The following DLGAP2 variants were observed in gnomAD, a reference collection of about 807,000 sequenced individuals.
The protein encoded by DLGAP2 is disks large-associated protein 2.
DLGAP2 carries 26 observed loss-of-function variants against 100.3 expected under a neutral mutation model. That is an observed-to-expected ratio of 0.26 (90% CI 0.19 to 0.36). The LOEUF is 0.36. Among genes scored for constraint, DLGAP2 ranks in the 10% least tolerant of loss-of-function variants. DLGAP2 has a pLI of 1.00. For synonymous variants in DLGAP2, 886 were observed against 630.1 expected (o/e 1.41, Z -6.08); for missense variants, 1,858 against 1,453.2 (o/e 1.28, Z -4.53).
At position 1,308,367 on chromosome 8, in the gene DLGAP2, A is replaced by G. The variant is rs75219959; in HGVS notation, c.106+49484A>G. On this transcript the variant is annotated intron_variant, in intron 3 of 14. Coordinates refer to ENST00000637795, the MANE Select transcript of DLGAP2 (RefSeq NM_001346810.2). ...AGTTTGGAAAGTCACTAAACAGACT[A>G]CACCAGCCTTCAACAATCAAAAACA... is the stretch of plus-strand genomic sequence containing the variant. Among the ~76,000 whole-genome samples the G allele has an allele frequency of 6.3e-3, 967 of 152,352 alleles. 27 individuals are homozygous for G. The highest frequency in any genetic ancestry group is 0.047 in the Admixed American group (721 of 15,308).
intron 3 of DLGAP2, among the ~76,000 whole-genome samples, chr8:1,433,741 T>C (rs917984970): frequency 7.5e-5 from 7 of 93,848 alleles, no homozygotes; most frequent in Non-Finnish European, 1.1e-4. Flanking sequence ...AAACTGGCTT[T>C]TTTTTTTTTT....
intron 8 of DLGAP2, among the ~76,000 whole-genome samples, chr8:1,667,748 C>T (rs1462244247): frequency 6.6e-6 from 1 of 152,190 alleles, no homozygotes; most frequent in Non-Finnish European, 1.5e-5. Context: ...ATCCGGCGTG[C>T]TTCTGAACCT....
At chr8:767,999 G>C (rs1419168756) in intron 1 of DLGAP2, among the ~76,000 whole-genome samples, 22 of 152,156 alleles carry the variant, frequency 1.4e-4, no homozygotes, top group Admixed American at 1.4e-3. Context: ...ACACTTCTCT[G>C]ATGTATAATT....
At chr8:1,387,971 C>A (rs1464680885) in intron 3 of DLGAP2, among the ~76,000 whole-genome samples, 1 of 152,208 alleles carries the variant, frequency 6.6e-6, no homozygotes, top group East Asian at 1.9e-4. Context: ...CGTGGAGGTC[C>A]CCAGCGCGTG....
At chr8:906,969 G>A (rs548693817) in intron 1 of DLGAP2, among the ~76,000 whole-genome samples, 1 of 152,252 alleles carries the variant, frequency 6.6e-6, no homozygotes, top group African/African-American at 2.4e-5. Context: ...GGAGAGGGGG[G>A]ATGGAGGAGA....
intron 1 of DLGAP2, among the ~76,000 whole-genome samples, chr8:806,324 G>A (rs1045823025): frequency 2.0e-5 from 3 of 152,298 alleles, no homozygotes; most frequent in Admixed American, 1.3e-4. Flanking sequence ...TCTGGAGGGC[G>A]GCCCAGGCAG....
At chr8:808,274 G>A (rs1314443531) in intron 1 of DLGAP2, among the ~76,000 whole-genome samples, 1 of 152,186 alleles carries the variant, frequency 6.6e-6, no homozygotes, top group Non-Finnish European at 1.5e-5. Flanking sequence ...GCGGTGTTTG[G>A]TGCAGCTCCA....
At chr8:1,687,792 C>T (rs1418979060) in intron 12 of DLGAP2, among the ~76,000 whole-genome samples, 2 of 152,146 alleles carry the variant, frequency 1.3e-5, no homozygotes, top group Non-Finnish European at 1.5e-5. Context: ...AACTGATTGA[C>T]TTTTAAATTA....
chr8:1,582,944 G>A (rs962680776), intron 6 of DLGAP2, among the ~76,000 whole-genome samples: 3 of 152,136 alleles, frequency 2.0e-5, no homozygotes, highest in African/African-American at 2.4e-5. Context: ...TGCATGTCTC[G>A]GTTTTGGTGG....
At chr8:1,218,923 G>C (rs1314798305) in intron 2 of DLGAP2, among the ~76,000 whole-genome samples, 1 of 152,112 alleles carries the variant, frequency 6.6e-6, no homozygotes, top group Non-Finnish European at 1.5e-5. Flanking sequence ...TGGGTTCTCA[G>C]CTTGGATGTT....
intron 1 of DLGAP2, among the ~76,000 whole-genome samples, chr8:798,947 C>G (rs1796092928): frequency 6.6e-6 from 1 of 152,282 alleles, no homozygotes; most frequent in African/African-American, 2.4e-5. Context: ...AGCCTTCCCA[C>G]TTGATATTTT....
chr8:964,517 C>T (rs1388744692), intron 2 of DLGAP2, among the ~76,000 whole-genome samples: 2 of 152,256 alleles, frequency 1.3e-5, no homozygotes, highest in African/African-American at 4.8e-5. Flanking sequence ...TCTCCAGGTT[C>T]AGCTGTTTAT....
chr8:795,051 G>C (rs1278992267), intron 1 of DLGAP2, among the ~76,000 whole-genome samples: 1 of 152,120 alleles, frequency 6.6e-6, no homozygotes, highest in Non-Finnish European at 1.5e-5. Context: ...CCAGTGACTT[G>C]GCATACGGAC....
chr8:835,893 C>G (rs542156135), intron 1 of DLGAP2, among the ~76,000 whole-genome samples: 1 of 152,272 alleles, frequency 6.6e-6, no homozygotes, highest in South Asian at 2.1e-4. Context: ...TTTCCTGTTA[C>G]GCTGCCGTAA....
At chr8:1,224,071 C>T (rs914992706) in intron 2 of DLGAP2, among the ~76,000 whole-genome samples, 11 of 152,062 alleles carry the variant, frequency 7.2e-5, no homozygotes, top group Non-Finnish European at 1.3e-4. Flanking sequence ...TTTGAGCGTA[C>T]GATATGTTTG....
chr8:862,299 GT>G lies in DLGAP2; in HGVS notation c.19-45595del, dbSNP rs1199269737. Reference sequence around the variant, plus strand: ...GGACAGTCAGGAGGATTGGACTCCAGTTTTTTTTTTTTTTTTTTCTTGAGAC... The same window carrying G: ...GGACAGTCAGGAGGATTGGACTCCAGTTTTTTTTTTTTTTTTTCTTGAGAC... On this transcript the variant is annotated intron_variant, in intron 1 of 14. Transcript: ENST00000637795. Among the ~76,000 whole-genome samples the G allele has an allele frequency of 2.4e-3, 338 of 138,082 alleles. 1 individual carries two copies. The highest frequency in any genetic ancestry group is 4.5e-3 in the African/African-American group (173 of 38,094). 90.6% of individuals were successfully genotyped at this position (138,082 alleles called of 152,430 possible).
intron 1 of DLGAP2, among the ~76,000 whole-genome samples, chr8:795,270 C>A (rs1312008842): frequency 6.6e-6 from 1 of 152,164 alleles, no homozygotes; most frequent in African/African-American, 2.4e-5. Flanking sequence ...TGTGTTTCTG[C>A]TTAGACACCT....
chr8:1,250,738 A>G (rs1288610791), intron 2 of DLGAP2, among the ~76,000 whole-genome samples: 1 of 152,020 alleles, frequency 6.6e-6, no homozygotes, highest in African/African-American at 2.4e-5. Context: ...AAAAAAATGG[A>G]ATGAGACTTG....
At chr8:1,452,764 T>G (rs1273397840) in intron 3 of DLGAP2, among the ~76,000 whole-genome samples, 1 of 152,070 alleles carries the variant, frequency 6.6e-6, no homozygotes, top group Admixed American at 6.5e-5. Flanking sequence ...TCCAGGTGTT[T>G]CCCAGACCAG....
Sources: gnomAD v4.1 joint callset for allele counts (sites outside exome capture counted in the v4.1 genomes callset) on GRCh38, gnomAD v4.1.1 for gene constraint, MANE v1.5 for transcripts, NCBI Gene and HGNC (gene_info 2026-07-23, HGNC 2026-07-21) for gene names.